RARB: variants seen among roughly 807,000 people sequenced by gnomAD.
RARB encodes the protein retinoic acid receptor beta.
RARB carries 17 observed loss-of-function variants against 51.9 expected under a neutral mutation model. That is an observed-to-expected ratio of 0.33 (90% CI 0.22 to 0.49). The LOEUF (loss-of-function observed/expected upper bound fraction) is 0.49. Ranked by LOEUF, RARB falls within the 20% of genes least tolerant of loss-of-function variation. The pLI, the probability that RARB is intolerant of heterozygous loss-of-function variation, is 0.99. For missense variants in RARB, 369 were observed against 550.8 expected, an observed-to-expected ratio of 0.67 and a Z score of 3.30; for synonymous variants, 215 against 195.4, an observed-to-expected ratio of 1.10 and a Z score of -0.84.
chr3:25,517,161 G>C (rs1004061413), intron 3 of RARB, among the ~76,000 whole-genome samples: 14 of 152,160 alleles, frequency 9.2e-5, no homozygotes, highest in African/African-American at 3.4e-4. Context: ...AACTAATGGG[G>C]TTGGTTATCT....
At chr3:25,517,569 A>G (rs1181581921) in intron 3 of RARB, among the ~76,000 whole-genome samples, 2 of 152,174 alleles carry the variant, frequency 1.3e-5, no homozygotes, top group South Asian at 2.1e-4. Context: ...CATTGCCACT[A>G]TGGGAAACAG....
At chr3:25,496,735 G>C (rs1180793858) in intron 2 of RARB, among the ~76,000 whole-genome samples, 2 of 152,216 alleles carry the variant, frequency 1.3e-5, no homozygotes, top group African/African-American at 2.4e-5. Flanking sequence ...TGTATGCTTA[G>C]ATCAGTCAGA....
Position 25,596,709 on chromosome 3 carries a change from G to GGACTGAAAAGATATTAAAACTCAA in RARB, c.*96_*119dup. ...ACATTTTTACTGCTGCTTAGTTTTT[G>GGACTGAAAAGATATTAAAACTCAA]GACTGAAAAGATATTAAAACTCAAG... is the stretch of plus-strand genomic sequence containing the variant. On this transcript the variant is annotated 3_prime_UTR_variant, in exon 8 of 8. Transcript: ENST00000330688. The GGACTGAAAAGATATTAAAACTCAA allele has an allele frequency of 8.7e-7, 1 of 1,152,242 alleles. No homozygotes were observed. Among genetic ancestry groups the GGACTGAAAAGATATTAAAACTCAA allele is most frequent in the South Asian group, 1.8e-5 (1 of 54,692 alleles). The allele number at this position is 1,152,242 out of a possible 1,614,324, so 71.4% of individuals were successfully genotyped here. A position where few individuals can be genotyped will look rare whatever the true frequency, so the allele number is the denominator to read the frequency against.
Position 25,117,048 on chromosome 3 carries a change from C to T in RARB, c.-327-15113C>T, listed in dbSNP as rs77306657. Among the ~76,000 whole-genome samples, 547 of 152,224 alleles carry T rather than the reference C, an allele frequency of 3.6e-3. 8 individuals carry two copies. In the East Asian group the frequency reaches 0.048, roughly 13 times the overall value. On this transcript the variant is annotated intron_variant, in intron 3 of 11. Coordinates refer to the RARB transcript ENST00000383772. ...CAGCCAGAAATCATCCTTTCTGATG[C>T]TTTAATAATAATTTTTCTCATTCAT... is the stretch of plus-strand genomic sequence containing the variant.
In RARB at chr3:25,146,115, C is replaced by T. The variant is rs554381350; in HGVS notation, c.-280+13907C>T. On this transcript the variant is annotated intron_variant, in intron 4 of 11. Coordinates refer to the RARB transcript ENST00000383772. ...GCCTTGCCCCTCACTAGCTCTGTGACCTTAGATGAGTTTCTTGACCTCTCA... is the reference window on the plus strand; with the variant it reads ...GCCTTGCCCCTCACTAGCTCTGTGATCTTAGATGAGTTTCTTGACCTCTCA... Among the ~76,000 whole-genome samples the T allele has an allele frequency of 4.6e-5, 7 of 152,260 alleles. No homozygotes were observed. The East Asian group carries it at 7.7e-4, about 17-fold the overall frequency.
chr3:25,500,870 T>C (rs1697278237), intron 2 of RARB, among the ~76,000 whole-genome samples: 1 of 152,146 alleles, frequency 6.6e-6, no homozygotes. Context: ...AGGGAGCCAG[T>C]TATGAAGCTA....
chr3:25,286,363 C>T (rs745392377), intron 5 of RARB, among the ~76,000 whole-genome samples: 12 of 152,190 alleles, frequency 7.9e-5, no homozygotes, highest in South Asian at 4.1e-4. Flanking sequence ...GCTGGGATTA[C>T]AGGCGTGAGA....
In RARB at chr3:25,002,726, A is replaced by G. The variant is rs557378982; in HGVS notation, c.-379-57399A>G. Among the ~76,000 whole-genome samples the G allele has an allele frequency of 4.3e-5, 6 of 139,050 alleles. No individual in the cohort carries two copies. In the East Asian group the frequency reaches 1.3e-3, roughly 31 times the overall value. 91.2% of individuals were successfully genotyped at this position (139,050 alleles called of 152,430 possible). On this transcript the variant is annotated intron_variant, in intron 2 of 11. Coordinates refer to the RARB transcript ENST00000383772. ...ACACATAAATCTATATATGTGTCACATATGTATATAAAAGACATATTCTGT... is the reference window on the plus strand; with the variant it reads ...ACACATAAATCTATATATGTGTCACGTATGTATATAAAAGACATATTCTGT...
intron 2 of RARB, among the ~76,000 whole-genome samples, chr3:25,038,690 T>C (rs1698053716): frequency 6.6e-6 from 1 of 152,188 alleles, no homozygotes; most frequent in Admixed American, 6.5e-5. Flanking sequence ...TGGTTGGCAT[T>C]TAAGTGTGGA....
At chr3:25,369,351 T>A (rs971212741) in intron 5 of RARB, among the ~76,000 whole-genome samples, 8 of 152,036 alleles carry the variant, frequency 5.3e-5, no homozygotes, top group African/African-American at 1.9e-4. Flanking sequence ...TCTCAGACAT[T>A]TACTGAATGC....
chr3:25,488,034 C>T (rs961147994), intron 2 of RARB, among the ~76,000 whole-genome samples: 2 of 152,158 alleles, frequency 1.3e-5, no homozygotes, highest in Non-Finnish European at 2.9e-5. Flanking sequence ...GGGATTTATT[C>T]AGCTGCTATA....
intron 5 of RARB, among the ~76,000 whole-genome samples, chr3:25,396,688 T>A (rs1014375798): frequency 6.6e-6 from 1 of 152,058 alleles, no homozygotes; most frequent in African/African-American, 2.4e-5. Context: ...GAGCTCAGAC[T>A]CTCTTTGGGT....
At chr3:24,980,848 AG>A (rs1480253012) in intron 2 of RARB, among the ~76,000 whole-genome samples, 1 of 152,126 alleles carries the variant, frequency 6.6e-6, no homozygotes, top group Admixed American at 6.5e-5. Flanking sequence ...AGAGGCATTC[AG>A]GTTTTTGGAA....
At chr3:24,973,036 C>CA (rs750537609) in intron 2 of RARB, among the ~76,000 whole-genome samples, 97 of 151,944 alleles carry the variant, frequency 6.4e-4, no homozygotes, top group Non-Finnish European at 1.3e-3. Flanking sequence ...AGGTTTTTCA[C>CA]AAAAAAGCTT....
intron 2 of RARB, chr3:25,025,197 T>A (rs1575124140): frequency 6.6e-6 from 1 of 152,172 alleles, no homozygotes; most frequent in Non-Finnish European, 1.5e-5. Context: ...ATACAGGAAT[T>A]AGAACATTTT....
At chr3:25,052,390 A>G (rs993671342) in intron 2 of RARB, among the ~76,000 whole-genome samples, 5 of 152,228 alleles carry the variant, frequency 3.3e-5, no homozygotes, top group East Asian at 1.9e-4. Context: ...AAATAAAAAT[A>G]TAGGACACCA....
chr3:25,236,632 C>T (rs999763503), intron 5 of RARB, among the ~76,000 whole-genome samples: 7 of 151,896 alleles, frequency 4.6e-5, no homozygotes, highest in Non-Finnish European at 7.4e-5. Context: ...CATATAAAAG[C>T]GCTGGTGCTC....
chr3:24,945,095 TTATC>T (rs1225209103), intron 2 of RARB, among the ~76,000 whole-genome samples: 1 of 152,166 alleles, frequency 6.6e-6, no homozygotes, highest in African/African-American at 2.4e-5. Context: ...AAAACTAACA[TTATC>T]TATTATGTTG....
At chr3:25,588,811 C>T (rs542579991) in intron 5 of RARB, among the ~76,000 whole-genome samples, 1 of 152,328 alleles carries the variant, frequency 6.6e-6, no homozygotes, top group Non-Finnish European at 1.5e-5. Flanking sequence ...GGCTGGTTAA[C>T]TGTCCTCTTG....
Sources: allele counts gnomAD v4.1 joint callset (sites outside exome capture counted in the v4.1 genomes callset), GRCh38; gene constraint gnomAD v4.1.1; transcripts MANE v1.5; gene names NCBI Gene and HGNC (gene_info 2026-07-23, HGNC 2026-07-21).